Variants in INSL6 observed in about 807,000 individuals in gnomAD.
The protein encoded by INSL6 is insulin like 6.
In INSL6, 16 loss-of-function variants were observed where a neutral mutation model predicts 9.4. The ratio of observed to expected loss-of-function variants is 1.70; its 90% CI spans 1.15 to 2.59. INSL6 has a LOEUF of 2.59. Among genes scored for constraint, INSL6 ranks in the 30% most tolerant of loss-of-function variants. The pLI is 0.00. For synonymous variants in INSL6, 154 were observed against 96.9 expected (o/e 1.59, Z -3.46); for missense variants, 391 against 257.3 (o/e 1.52, Z -3.56).
the INSL6 span, chr9:5,041,707 C>CTT: frequency 4.0e-6 from 2 of 505,044 alleles, no homozygotes; most frequent in African/African-American, 3.9e-5. Flanking sequence ...GTGTTCGACT[C>CTT]TGAGTACGAG....
At chr9:5,090,423 T>C in the INSL6 span, 24 of 1,493,650 alleles carry the variant, frequency 1.6e-5, no homozygotes, top group Non-Finnish European at 9.0e-6. Context: ...AGTAAAACAT[T>C]ATTTCCACCT....
the INSL6 span, chr9:5,089,808 G>C: frequency 6.3e-7 from 1 of 1,596,516 alleles, no homozygotes; most frequent in African/African-American, 1.4e-5. Flanking sequence ...TTGAAATCCT[G>C]AAATCCCTAC....
the INSL6 span, among the ~76,000 whole-genome samples, chr9:5,037,587 C>G: frequency 6.6e-6 from 1 of 152,130 alleles, no homozygotes; most frequent in South Asian, 2.1e-4. Context: ...AACCATCATT[C>G]TCAGCAAACT....
At chr9:5,114,540 A>C in the INSL6 span, 1 of 474,494 alleles carries the variant, frequency 2.1e-6, no homozygotes, top group Non-Finnish European at 4.1e-6. Flanking sequence ...GAACCAGGAC[A>C]AGCGCACCCT....
At chr9:5,145,210 G>A (rs377236035) in intron 2 of INSL6, among the ~76,000 whole-genome samples, 19 of 151,418 alleles carry the variant, frequency 1.3e-4, no homozygotes, top group Non-Finnish European at 2.1e-4. Flanking sequence ...CTTATTTCTC[G>A]TTCACTTATG....
chr9:4,993,991 T>C, the INSL6 span, among the ~76,000 whole-genome samples: 1 of 152,168 alleles, frequency 6.6e-6, no homozygotes, highest in African/African-American at 2.4e-5. Flanking sequence ...TGATGTCCTG[T>C]CTAGGGTTGG....
At chr9:5,056,469 T>A in the INSL6 span, among the ~76,000 whole-genome samples, 1 of 152,098 alleles carries the variant, frequency 6.6e-6, no homozygotes, top group Non-Finnish European at 1.5e-5. Context: ...TTATATGGCT[T>A]ACCTGTCTGG....
At chr9:4,995,293 G>C in the INSL6 span, among the ~76,000 whole-genome samples, 1 of 152,128 alleles carries the variant, frequency 6.6e-6, no homozygotes, top group Non-Finnish European at 1.5e-5. Flanking sequence ...GAAATGAGTT[G>C]TTTTCCCTAG....
the INSL6 span, chr9:5,090,315 T>A: frequency 1.7e-6 from 1 of 577,374 alleles, no homozygotes; most frequent in Non-Finnish European, 2.7e-6. Context: ...CTATATCACC[T>A]TTAATGTATA....
At chr9:5,003,785 A>G in the INSL6 span, among the ~76,000 whole-genome samples, 1 of 151,958 alleles carries the variant, frequency 6.6e-6, no homozygotes, top group African/African-American at 2.4e-5. Context: ...ACGTTTTTGA[A>G]CTCTAGAAGA....
chr9:5,098,197 C>T, the INSL6 span: 1 of 152,112 alleles, frequency 6.6e-6, no homozygotes, highest in Admixed American at 6.5e-5. Context: ...ACATTAAACC[C>T]TTAAATGAAA....
the INSL6 span, among the ~76,000 whole-genome samples, chr9:5,048,664 T>A: frequency 6.6e-6 from 1 of 152,216 alleles, no homozygotes; most frequent in Non-Finnish European, 1.5e-5. Context: ...GATGGTGTGG[T>A]TCTTAATAGT....
At chr9:5,080,294 G>T in the INSL6 span, 1 of 1,613,198 alleles carries the variant, frequency 6.2e-7, no homozygotes, top group East Asian at 2.2e-5. Context: ...TTTAAATTTG[G>T]CAACAGACAA....
intron 3 of INSL6, among the ~76,000 whole-genome samples, chr9:5,131,474 G>C (rs1463198645): frequency 1.1e-5 from 1 of 89,860 alleles, no homozygotes; most frequent in Non-Finnish European, 1.9e-5. Flanking sequence ...TTTTGCTCTT[G>C]TCGTCCAGGC....
the INSL6 span, among the ~76,000 whole-genome samples, chr9:5,056,166 A>C: frequency 6.6e-6 from 1 of 152,248 alleles, no homozygotes; most frequent in Non-Finnish European, 1.5e-5. Context: ...TAAAGGAGAA[A>C]AAATAAATCA....
At chr9:5,090,697 A>G in the INSL6 span, 5 of 1,551,390 alleles carry the variant, frequency 3.2e-6, no homozygotes, top group Non-Finnish European at 4.3e-6. Flanking sequence ...TAAATTGTTT[A>G]TATTTATAAA....
downstream of INSL6, among the ~76,000 whole-genome samples, chr9:5,122,274 A>G (rs913750956): frequency 6.6e-6 from 1 of 152,172 alleles, no homozygotes. Flanking sequence ...CACTAGGCCA[A>G]AACGTTCCCT....
the INSL6 span, among the ~76,000 whole-genome samples, chr9:5,115,358 G>C: frequency 6.6e-6 from 1 of 152,196 alleles, no homozygotes; most frequent in African/African-American, 2.4e-5. Flanking sequence ...AAACCAGAGT[G>C]AGGTACCATC....
At chr9:5,009,490 C>G in the INSL6 span, among the ~76,000 whole-genome samples, 2 of 151,552 alleles carry the variant, frequency 1.3e-5, no homozygotes, top group Admixed American at 6.6e-5. Context: ...TTTTCATAAT[C>G]TAGTGATGCT....
Sources: gnomAD v4.1 joint callset for allele counts (sites outside exome capture counted in the v4.1 genomes callset) on GRCh38, gnomAD v4.1.1 for gene constraint, MANE v1.5 for transcripts, NCBI Gene and HGNC (gene_info 2026-07-23, HGNC 2026-07-21) for gene names.